Variants in SPATA3 observed in about 807,000 individuals in gnomAD.
The protein encoded by SPATA3 is spermatogenesis-associated protein 3.
SPATA3 carries 6 observed loss-of-function variants against 5.7 expected under a neutral mutation model. The ratio of observed to expected loss-of-function variants is 1.06; its 90% CI spans 0.58 to 2.09. The LOEUF (loss-of-function observed/expected upper bound fraction) is 2.09, where lower values mean the gene tolerates loss of function less well. Ranked by LOEUF, SPATA3 falls within the 30% of genes most tolerant of loss-of-function variation. The pLI is 0.00. For missense variants in SPATA3, 155 were observed against 130.4 expected, an observed-to-expected ratio of 1.19 and a Z score of -0.92; for synonymous variants, 44 against 48.4, an observed-to-expected ratio of 0.91 and a Z score of 0.37.
intron 6 of SPATA3, among the ~76,000 whole-genome samples, chr2:231,017,072 T>C (rs1473815088): frequency 6.6e-6 from 1 of 152,236 alleles, no homozygotes. Context: ...TGTTTCGTAA[T>C]TGATCAAATG....
chr2:230,999,099 G>A (rs1692248102), intron 1 of SPATA3, among the ~76,000 whole-genome samples: 1 of 152,190 alleles, frequency 6.6e-6, no homozygotes, highest in South Asian at 2.1e-4. Context: ...CCTGATACAT[G>A]GTACAGCCTG....
At chr2:231,004,175 T>C (rs1692454277), downstream of SPATA3, 1 of 152,226 alleles carries the variant, frequency 6.6e-6, no homozygotes, top group Admixed American at 6.5e-5. Flanking sequence ...CCATGTCCCA[T>C]GTCTGTGGCA....
rs554124715 is a variant in SPATA3 at position 230,998,468 on chromosome 2, A to G, written c.791-1898A>G. On this transcript the variant is annotated intron_variant, in intron 1 of 2. Transcript: ENST00000645363. The stretch of plus-strand genomic sequence containing the variant: ...ATGAACACATGTGACTCATACTCAG[A>G]GAAGAATTTGGCCCATTGAACAGGC... 4.6e-5 allele frequency among the ~76,000 whole-genome samples: 7 copies of G among 152,362 alleles called. No homozygotes were observed. The East Asian group carries it at 1.3e-3, about 29-fold the overall frequency.
At chr2:231,000,562 C>T in intron 2 of SPATA3, 25 bp downstream of exon 2, 1 of 1,476,546 alleles carries the variant, frequency 6.8e-7, no homozygotes, top group Non-Finnish European at 9.1e-7. Flanking sequence ...GGGCTGGAGC[C>T]TCGGGGCACA....
rs534340997 is a variant in SPATA3, at chr2:231,012,323, A to G, written c.*119-267A>G. Among the ~76,000 whole-genome samples the G allele has an allele frequency of 3.9e-5, 6 of 152,326 alleles. No individual in the cohort carries two copies. In the South Asian group the frequency reaches 1.2e-3, roughly 32 times the overall value. On this transcript the variant is annotated intron_variant, in intron 4 of 8. Coordinates refer to the SPATA3 transcript ENST00000452881. ...GAATGGAGAAGCCCACTTGTCTCCC[A>G]TTGGGGTCAGGATGAAGGGTCTGGG...
At chr2:231,008,511 A>C (rs1692703565), downstream of SPATA3, among the ~76,000 whole-genome samples, 1 of 152,120 alleles carries the variant, frequency 6.6e-6, no homozygotes, top group African/African-American at 2.4e-5. Context: ...CACTGGTGGG[A>C]TTGGGCAGGA....
downstream of SPATA3, among the ~76,000 whole-genome samples, chr2:231,003,253 CCT>C (rs1404426355): frequency 6.6e-6 from 1 of 152,248 alleles, no homozygotes; most frequent in African/African-American, 2.4e-5. Flanking sequence ...CTTCTCAACC[CCT>C]GTCCTCTCCA....
chr2:231,011,576 C>T (rs925398), downstream of SPATA3, among the ~76,000 whole-genome samples: 54,054 of 149,912 alleles, frequency 0.36, 10,205 homozygotes, highest in East Asian at 0.47. Flanking sequence ...AACCTGGTCT[C>T]CATCCTCCCC....
chr2:231,019,400 T>G (rs1693020297), intron 6 of SPATA3, among the ~76,000 whole-genome samples: 1 of 150,274 alleles, frequency 6.7e-6, no homozygotes, highest in Non-Finnish European at 1.5e-5. Context: ...CTCAGCTCAC[T>G]GCAAGCTCCG....
chr2:231,009,312 G>GC (rs1559199729), downstream of SPATA3, among the ~76,000 whole-genome samples: 1 of 152,088 alleles, frequency 6.6e-6, no homozygotes. Context: ...TGCTCAAGTG[G>GC]CCAGGAGAGA....
intron 2 of SPATA3, 30 bp downstream of exon 2, chr2:231,000,567 G>T: frequency 6.8e-7 from 1 of 1,469,970 alleles, no homozygotes; most frequent in Non-Finnish European, 9.1e-7. Context: ...GGAGCCTCGG[G>T]GCACACAGTC....
Position 231,000,439 on chromosome 2 carries a change from T to C in SPATA3, c.864T>C (p.Arg288=), listed in dbSNP as rs201768791. 2.9e-4 allele frequency: 444 copies of C among 1,549,194 alleles called. 1 individual carries two copies. The highest frequency in any genetic ancestry group is 3.3e-4 in the Non-Finnish European group (375 of 1,145,336). ...CCTGCAGCTCCGCTTGCTGGCGTCGTCTGGGGCTATGCCATAGCCGCATCT... is the reference window on the plus strand; with the variant it reads ...CCTGCAGCTCCGCTTGCTGGCGTCGCCTGGGGCTATGCCATAGCCGCATCT... Residue 288 remains arginine (R), a synonymous_variant, in exon 2 of 3, where the codon CGT becomes CGC. Coordinates refer to ENST00000645363, the Ensembl canonical transcript of SPATA3.
intron 2 of SPATA3, 116 bp downstream of exon 2, chr2:231,000,653 A>G: frequency 8.8e-7 from 1 of 1,137,304 alleles, no homozygotes; most frequent in Non-Finnish European, 1.2e-6. Flanking sequence ...AGGCCGAAGG[A>G]AAGCCTTTCT....
chr2:231,002,836 A>G, downstream of SPATA3: 1 of 1,268,908 alleles, frequency 7.9e-7, no homozygotes, highest in South Asian at 1.8e-5. Flanking sequence ...AGGTATGTTG[A>G]GCGCTCTGTC....
chr2:231,013,542 G>A (rs1226510369), intron 5 of SPATA3, among the ~76,000 whole-genome samples: 2 of 151,682 alleles, frequency 1.3e-5, no homozygotes, highest in Non-Finnish European at 2.9e-5. Context: ...CCAGGCTGGA[G>A]TGCAATGGCA....
chr2:231,003,917 G>T, downstream of SPATA3: 1 of 152,324 alleles, frequency 6.6e-6, no homozygotes. Context: ...TGAAGGTCTG[G>T]GTGGGGTGCC....
At chr2:230,997,567 A>G (rs1244508761) in intron 1 of SPATA3, among the ~76,000 whole-genome samples, 2 of 152,242 alleles carry the variant, frequency 1.3e-5, no homozygotes, top group Non-Finnish European at 2.9e-5. Context: ...TGGGCATCCT[A>G]TATTTTTATT....
intron 6 of SPATA3, among the ~76,000 whole-genome samples, chr2:231,015,594 C>T (rs980157601): frequency 3.9e-5 from 6 of 152,160 alleles, no homozygotes; most frequent in Non-Finnish European, 7.4e-5. Flanking sequence ...GGAATCAGGC[C>T]GCATGCTTAA....
At position 231,019,424 on chromosome 2, in the gene SPATA3, C is replaced by T. The variant is rs545215187; in HGVS notation, c.*566-296C>T. Among the ~76,000 whole-genome samples, 192 of 149,888 alleles carry T rather than the reference C, an allele frequency of 1.3e-3. 7 individuals carry two copies. The highest frequency in any genetic ancestry group is 4.6e-3 in the African/African-American group (188 of 40,596). On this transcript the variant is annotated intron_variant, in intron 6 of 8. Coordinates refer to the SPATA3 transcript ENST00000452881. ...CTGCAAGCTCCGCCTCCCGGGTTCA[C>T]ACCATTCTCCTGCCTCAGCCTCCCG...
Sources: allele counts gnomAD v4.1 joint callset (sites outside exome capture counted in the v4.1 genomes callset), GRCh38; gene constraint gnomAD v4.1.1; transcripts MANE v1.5; gene names NCBI Gene and HGNC (gene_info 2026-07-23, HGNC 2026-07-21).